DIP2C: variants seen among roughly 807,000 people sequenced by gnomAD.
DIP2C encodes disco-interacting protein 2 homolog C.
Under a neutral mutation model 192.4 loss-of-function variants are expected in DIP2C, and 33 were observed. That is an observed-to-expected ratio of 0.17 (90% confidence interval 0.13 to 0.23). DIP2C has a LOEUF of 0.23. Among genes scored for constraint, DIP2C ranks in the 10% least tolerant of loss-of-function variants. The pLI is 1.00. For missense variants in DIP2C, 1,537 were observed against 2,110.1 expected, an observed-to-expected ratio of 0.73 and a Z score of 5.32; for synonymous variants, 979 against 864.1, an observed-to-expected ratio of 1.13 and a Z score of -2.33.
intron 1 of DIP2C, among the ~76,000 whole-genome samples, chr10:568,260 T>C (rs1175893915): frequency 6.6e-6 from 1 of 152,116 alleles, no homozygotes; most frequent in Non-Finnish European, 1.5e-5. Context: ...AGGGAGGGGA[T>C]GGAAGCCACA....
intron 2 of DIP2C, among the ~76,000 whole-genome samples, chr10:481,657 T>G (rs1183752600): frequency 3.3e-5 from 5 of 152,230 alleles, no homozygotes; most frequent in African/African-American, 1.2e-4. Flanking sequence ...AAAATAAAAC[T>G]GCAGCCCAGA....
chr10:330,420 TTTAA>T (rs1443888936), intron 29 of DIP2C, among the ~76,000 whole-genome samples: 4 of 152,328 alleles, frequency 2.6e-5, no homozygotes, highest in Non-Finnish European at 1.5e-5. Context: ...TTTTAATGGT[TTTAA>T]TTTTGTTTAC....
intron 1 of DIP2C, among the ~76,000 whole-genome samples, chr10:591,273 C>T (rs1258212751): frequency 3.3e-5 from 5 of 151,952 alleles, no homozygotes; most frequent in South Asian, 2.1e-4. Flanking sequence ...TACAGGTGCC[C>T]GCCACCACGC....
At chr10:376,867 A>C (rs777904093) in intron 17 of DIP2C, among the ~76,000 whole-genome samples, 2 of 152,202 alleles carry the variant, frequency 1.3e-5, no homozygotes, top group Non-Finnish European at 2.9e-5. Flanking sequence ...CGCGAGGGGA[A>C]ATTCAGTGAA....
intron 24 of DIP2C, among the ~76,000 whole-genome samples, chr10:351,204 T>C (rs1958792668): frequency 6.6e-6 from 1 of 152,168 alleles, no homozygotes; most frequent in Admixed American, 6.5e-5. Context: ...GAACAGTATC[T>C]GGGGCTATTC....
chr10:448,516 T>C (rs1217551235), intron 3 of DIP2C, among the ~76,000 whole-genome samples: 4,488 of 59,276 alleles, frequency 0.076, 9 homozygotes, highest in African/African-American at 0.3. Context: ...ACCCGCTCAC[T>C]CCCGTTGATA....
At chr10:334,211 G>A (rs1957638052) in intron 29 of DIP2C, among the ~76,000 whole-genome samples, 1 of 149,824 alleles carries the variant, frequency 6.7e-6, no homozygotes, top group South Asian at 2.1e-4. Context: ...GGAGGCTGAG[G>A]CAGGAGAATC....
chr10:548,887 A>G (rs1848443263), intron 1 of DIP2C, among the ~76,000 whole-genome samples: 1 of 141,192 alleles, frequency 7.1e-6, no homozygotes, highest in South Asian at 2.5e-4. Flanking sequence ...AGAACAGTGC[A>G]TTGCAGGAAA....
At chr10:544,936 C>G (rs924170270) in intron 1 of DIP2C, among the ~76,000 whole-genome samples, 1 of 152,080 alleles carries the variant, frequency 6.6e-6, no homozygotes. Flanking sequence ...CCTTCAGTTG[C>G]TTGTTATGCT....
At chr10:468,878 GGACT>G (rs1474620217) in intron 3 of DIP2C, among the ~76,000 whole-genome samples, 2 of 152,202 alleles carry the variant, frequency 1.3e-5, no homozygotes, top group African/African-American at 4.8e-5. Context: ...GACACTTCAA[GGACT>G]GTCTTCCTAA....
intron 1 of DIP2C, among the ~76,000 whole-genome samples, chr10:502,891 C>T (rs538228248): frequency 2.0e-4 from 31 of 152,288 alleles, no homozygotes; most frequent in Non-Finnish European, 3.8e-4. Context: ...ATTCTCTCCA[C>T]GTTGACCAAC....
chr10:431,238 GA>G (rs541871156), intron 4 of DIP2C, among the ~76,000 whole-genome samples: 3 of 150,488 alleles, frequency 2.0e-5, no homozygotes, highest in Non-Finnish European at 3.0e-5. Context: ...TGTTGATATT[GA>G]AAAAAAAACT....
intron 31 of DIP2C, among the ~76,000 whole-genome samples, chr10:310,743 T>C (rs1185987469): frequency 2.0e-5 from 3 of 152,212 alleles, no homozygotes; most frequent in Admixed American, 6.5e-5. Context: ...CTTGGCACCA[T>C]AAATTGCTTG....
chr10:571,512 TCTTTC>T (rs1196883224), intron 1 of DIP2C, among the ~76,000 whole-genome samples: 1 of 148,314 alleles, frequency 6.7e-6, no homozygotes, highest in Non-Finnish European at 1.5e-5. Context: ...TCACTTCCCT[TCTTTC>T]CTTTCCTCTC....
intron 1 of DIP2C, among the ~76,000 whole-genome samples, chr10:503,370 T>C (rs1191709597): frequency 6.6e-6 from 1 of 152,168 alleles, no homozygotes; most frequent in African/African-American, 2.4e-5. Flanking sequence ...GACACTTCAA[T>C]GAAGTGGATG....
intron 1 of DIP2C, among the ~76,000 whole-genome samples, chr10:518,252 CT>C (rs1178363656): frequency 1.3e-5 from 2 of 152,256 alleles, no homozygotes; most frequent in African/African-American, 4.8e-5. Flanking sequence ...CCTGCTGCCC[CT>C]GCTGCCTGAC....
intron 4 of DIP2C, among the ~76,000 whole-genome samples, chr10:433,031 CA>C (rs1259230897): frequency 6.6e-6 from 1 of 151,928 alleles, no homozygotes; most frequent in East Asian, 1.9e-4. Context: ...TTTTATGGAC[CA>C]AAACGTGGTA....
chr10:381,692 C>T (rs1402183080), intron 17 of DIP2C, among the ~76,000 whole-genome samples: 1 of 152,236 alleles, frequency 6.6e-6, no homozygotes, highest in Non-Finnish European at 1.5e-5. Flanking sequence ...CCTGCCCTTC[C>T]ACAGTTCTGC....
At chr10:317,010 G>A (rs532221442) in intron 31 of DIP2C, among the ~76,000 whole-genome samples, 13 of 152,250 alleles carry the variant, frequency 8.5e-5, no homozygotes, top group Admixed American at 7.8e-4. Flanking sequence ...AGATTGTTCC[G>A]ACGGTTATGG....
Sources: gnomAD v4.1 joint callset for allele counts (sites outside exome capture counted in the v4.1 genomes callset) on GRCh38, gnomAD v4.1.1 for gene constraint, MANE v1.5 for transcripts, NCBI Gene and HGNC (gene_info 2026-07-23, HGNC 2026-07-21) for gene names.